The following AKAP3 variants were observed in gnomAD, a reference collection of about 807,000 sequenced individuals.
AKAP3 encodes the protein A-kinase anchoring protein 3, also known as A-kinase anchor protein 3.
In AKAP3, 27 loss-of-function variants were observed where a neutral mutation model predicts 57.2. The ratio of observed to expected loss-of-function variants is 0.47; its 90% CI spans 0.35 to 0.65. AKAP3 has a LOEUF of 0.65. Among genes scored for constraint, AKAP3 ranks in the 30% least tolerant of loss-of-function variants. The pLI is 0.01. For missense variants in AKAP3, 959 were observed against 1,040.0 expected, an observed-to-expected ratio of 0.92 and a Z score of 1.07; for synonymous variants, 334 against 392.3, an observed-to-expected ratio of 0.85 and a Z score of 1.76.
rs1396863003 is a variant in AKAP3, at chr12:4,625,264, T to TG, written c.2406+1231dup. 6.6e-6 allele frequency among the ~76,000 whole-genome samples: 1 copy of TG among 152,212 alleles called. No individual in the cohort carries two copies. The highest frequency in any genetic ancestry group is 6.5e-5 in the Admixed American group (1 of 15,282). On this transcript the variant is annotated intron_variant, in intron 5 of 5. Coordinates refer to ENST00000228850, the MANE Select transcript of AKAP3 (RefSeq NM_001278309.2). The surrounding 1 kb of genome is among the most constrained non-coding windows in gnomAD (Gnocchi z 5.4). ...GGGTATTTTGCTAAGATGAAGATTC[T>TG]GATTCAGTAGGTCTGGAGGGAAGTG...
At chr12:4,631,708 A>G (rs1945500972) in intron 4 of AKAP3, among the ~76,000 whole-genome samples, 2 of 152,242 alleles carry the variant, frequency 1.3e-5, no homozygotes, top group African/African-American at 4.8e-5. Context: ...CTAAGAAAAC[A>G]AAGTATTTTT....
intron 4 of AKAP3, among the ~76,000 whole-genome samples, chr12:4,634,612 GT>G (rs1439447723): frequency 1.3e-5 from 2 of 152,032 alleles, no homozygotes; most frequent in East Asian, 3.9e-4. Context: ...CAGACACCTG[GT>G]TTATTTCATT....
In AKAP3 at chr12:4,627,564, C is replaced by T. The variant is rs113770524; in HGVS notation, c.1338G>A (p.Ala446=). ...SEPKSEEETC[A]KTLGEHIIKE... ...TGATAATGTGCTCACCCAGAGTTTT[C>T]GCACAAGTCTCCTCCTCTGATTTGG... Residue 446 remains alanine, a synonymous_variant, in exon 5 of 6, where the codon GCG becomes GCA. Coordinates refer to ENST00000228850, the MANE Select transcript of AKAP3 (RefSeq NM_001278309.2). 164 of 1,614,154 alleles carry T rather than the reference C, an allele frequency of 1.0e-4. 2 individuals are homozygous for T. The African/African-American group carries it at 1.1e-3, about 11-fold the overall frequency.
chr12:4,627,412 G>A lies in AKAP3; in HGVS notation c.1490C>T (p.Pro497Leu). The change falls in exon 5 of 6, where the codon CCT becomes CTT. Residue 497 changes from proline (P) to leucine (L), a missense_variant. Physicochemically the swap from Pro to Leu is moderately conservative, Grantham distance 98. Coordinates refer to ENST00000228850, the MANE Select transcript of AKAP3 (RefSeq NM_001278309.2). ...KPASDISFEY[P>L]EDIGNLSLPP... ...AAGGCTGAGGTTGCCAATATCTTCA[G>A]GGTACTCAAAGGAAATGTCTGATGC... The A allele has an allele frequency of 6.2e-7, 1 of 1,613,980 alleles. No homozygotes were observed. The highest frequency in any genetic ancestry group is 8.5e-7 in the Non-Finnish European group (1 of 1,179,998).
chr12:4,635,929 C>G (rs551163742), intron 4 of AKAP3: 10 of 814,406 alleles, frequency 1.2e-5, no homozygotes, highest in African/African-American at 3.4e-5. Context: ...ATCACCAACA[C>G]TAGCAGTTGG....
At chr12:4,622,461 G>A (rs1372061551) in intron 5 of AKAP3, among the ~76,000 whole-genome samples, 1 of 151,974 alleles carries the variant, frequency 6.6e-6, no homozygotes, top group African/African-American at 2.4e-5. Context: ...AGAATAGAGA[G>A]CCCAAAAATA....
At chr12:4,633,533 C>G (rs1278947277) in intron 4 of AKAP3, among the ~76,000 whole-genome samples, 2 of 152,016 alleles carry the variant, frequency 1.3e-5, no homozygotes, top group African/African-American at 4.8e-5. Flanking sequence ...TCAATGCAGT[C>G]TATAACCAAA....
intron 1 of AKAP3, among the ~76,000 whole-genome samples, chr12:4,646,666 GA>G (rs533507139): frequency 4.1e-4 from 59 of 142,472 alleles, no homozygotes; most frequent in African/African-American, 4.6e-4. Context: ...AGTGAGACTT[GA>G]AAAAAAAAAA....
At position 4,630,535 on chromosome 12, in the gene AKAP3, T is replaced by C. The variant is rs1456285986; in HGVS notation, c.97-1730A>G. Among the ~76,000 whole-genome samples the C allele has an allele frequency of 3.9e-5, 6 of 152,242 alleles. No homozygotes were observed. In the East Asian group the frequency reaches 1.2e-3, roughly 29 times the overall value. ...GACTGGTTTAAGTGGCTTGTTATCA[T>C]GTCGGAGTTAAGATCCATTGTGCTT... is the stretch of plus-strand genomic sequence containing the variant. On this transcript the variant is annotated intron_variant, in intron 4 of 5. Coordinates refer to ENST00000228850, the MANE Select transcript of AKAP3 (RefSeq NM_001278309.2).
chr12:4,635,581 G>C (rs1410723613), intron 4 of AKAP3: 6 of 716,096 alleles, frequency 8.4e-6, no homozygotes, highest in Non-Finnish European at 1.5e-5. Flanking sequence ...TATTTGCTAG[G>C]TCAGCCTTGT....
intron 4 of AKAP3, among the ~76,000 whole-genome samples, chr12:4,632,602 G>A (rs1945511879): frequency 2.0e-5 from 3 of 152,086 alleles, no homozygotes; most frequent in Non-Finnish European, 4.4e-5. Context: ...CCTAATCTCA[G>A]GACAGTAAAT....
intron 4 of AKAP3, 148 bp from the exon 5 acceptor site, chr12:4,628,953 C>T (rs1278721408): frequency 1.4e-6 from 1 of 715,276 alleles, no homozygotes; most frequent in East Asian, 2.7e-5. Flanking sequence ...TAAGTACTCA[C>T]TGTGTATCAG....
intron 4 of AKAP3, among the ~76,000 whole-genome samples, chr12:4,634,111 G>C (rs1299402895): frequency 2.6e-5 from 4 of 151,680 alleles, no homozygotes; most frequent in Non-Finnish European, 4.4e-5. Flanking sequence ...CACTTAAACA[G>C]ATTAAATCAT....
chr12:4,626,846 T>C lies in AKAP3; in HGVS notation c.2056A>G (p.Lys686Glu). The change falls in exon 5 of 6, where the codon AAG (lysine) becomes GAG (glutamate). Residue 686 changes from lysine to glutamate, a missense_variant. Coordinates refer to ENST00000228850, the MANE Select transcript of AKAP3 (RefSeq NM_001278309.2). ...SVMKLCVIIA[K>E]SCDASLAELG... ...TCTGCCAACGAAGCATCACAGGACT[T>C]AGCAATGATGACACACAGCTTCATC... 2 of 1,607,446 alleles carry C rather than the reference T, an allele frequency of 1.2e-6. No homozygotes were observed. Among genetic ancestry groups the C allele is most frequent in the Middle Eastern group, 1.7e-4 (1 of 5,918 alleles).
Position 4,627,759 on chromosome 12 carries a change from C to T in AKAP3, c.1143G>A (p.Leu381=), listed in dbSNP as rs1945440061. The T allele has an allele frequency of 6.2e-7, 1 of 1,613,992 alleles. No homozygotes were observed. The highest frequency in any genetic ancestry group is 2.2e-5 in the East Asian group (1 of 44,884). ...CTTTCTTGGCAAACATTACATTGTA[C>T]AGCTTCCTTAGCATGGCATCCATGA... ...TDIMDAMLRK[L]YNVMFAKKVP... The change falls in exon 5 of 6, where the codon CTG becomes CTA. Residue 381 remains leucine, a synonymous_variant. Coordinates refer to ENST00000228850, the MANE Select transcript of AKAP3 (RefSeq NM_001278309.2).
At chr12:4,626,450 T>G in intron 5 of AKAP3, 46 bp downstream of exon 5, 1 of 1,576,790 alleles carries the variant, frequency 6.3e-7, no homozygotes, top group Non-Finnish European at 8.6e-7. Flanking sequence ...AAAGCCCTAG[T>G]TAAATCTTAA....
chr12:4,627,498 T>G lies in AKAP3; in HGVS notation c.1404A>C (p.Glu468Asp). Residue 468 changes from glutamate (E) to aspartate (D), a missense_variant, in exon 5 of 6, where the codon GAA becomes GAC. Glu to Asp is a conservative substitution (Grantham distance 45). Transcript: ENST00000228850. ...CATGCTGGAAACCTAGAGATTTACA[T>G]TCTTTCTGCTGAGTTTTATGCCACA... Reference protein sequence around the residue: ...LTLWHKTQQKECKSLGFQHAA... With the variant: ...LTLWHKTQQKDCKSLGFQHAA... 1 of 1,614,160 alleles carries G rather than the reference T, an allele frequency of 6.2e-7. No homozygotes were observed. Among genetic ancestry groups the G allele is most frequent in the Non-Finnish European group, 8.5e-7 (1 of 1,179,996 alleles).
intron 5 of AKAP3, among the ~76,000 whole-genome samples, chr12:4,620,226 T>C (rs1945329527): frequency 6.6e-6 from 1 of 152,036 alleles, no homozygotes; most frequent in African/African-American, 2.4e-5. Context: ...ACGCGGTGGC[T>C]CACGCCTGTA....
chr12:4,644,950 T>C (rs559395875), intron 2 of AKAP3, 105 bp downstream of exon 2: 1 of 152,192 alleles, frequency 6.6e-6, no homozygotes, highest in East Asian at 1.9e-4. Flanking sequence ...AGAACAACGC[T>C]AGGTTGAACA....
Sources: allele counts gnomAD v4.1 joint callset (sites outside exome capture counted in the v4.1 genomes callset), GRCh38; gene constraint gnomAD v4.1.1; non-coding constraint Gnocchi (gnomAD v3.1); transcripts MANE v1.5; gene names NCBI Gene and HGNC (gene_info 2026-07-23, HGNC 2026-07-21).